Variants in SLC38A4 observed in about 807,000 individuals in gnomAD.
The protein encoded by SLC38A4 is solute carrier family 38 member 4, also known as sodium-coupled neutral amino acid transporter 4.
SLC38A4 carries 20 observed loss-of-function variants against 63.1 expected under a neutral mutation model. The ratio of observed to expected loss-of-function variants is 0.32; its 90% CI spans 0.22 to 0.46. SLC38A4 has a LOEUF of 0.46. SLC38A4 is among the 20% of genes least tolerant of loss of function. The pLI, the probability that SLC38A4 is intolerant of heterozygous loss-of-function variation, is 1.00. For synonymous variants in SLC38A4, 230 were observed against 225.5 expected (o/e 1.02, Z -0.18); for missense variants, 526 against 663.6 (o/e 0.79, Z 2.28).
chr12:46,781,465 G>C (rs1938637317), intron 7 of SLC38A4, among the ~76,000 whole-genome samples: 1 of 152,012 alleles, frequency 6.6e-6, no homozygotes, highest in Non-Finnish European at 1.5e-5. Flanking sequence ...TGTCAGTGAT[G>C]TTAACATGTT....
intron 1 of SLC38A4, among the ~76,000 whole-genome samples, chr12:46,804,801 A>G (rs1217834905): frequency 6.6e-6 from 1 of 151,920 alleles, no homozygotes; most frequent in African/African-American, 2.4e-5. Flanking sequence ...TTTGTCTTTT[A>G]TCAGACGAGA....
At chr12:46,786,853 A>G (rs2120810558) in intron 5 of SLC38A4, among the ~76,000 whole-genome samples, 1 of 152,330 alleles carries the variant, frequency 6.6e-6, no homozygotes, top group Middle Eastern at 3.4e-3. Context: ...GATATTCAGA[A>G]CATAAACAGC....
At chr12:46,768,973 C>T (rs773384130) in intron 15 of SLC38A4, among the ~76,000 whole-genome samples, 1 of 152,038 alleles carries the variant, frequency 6.6e-6, no homozygotes, top group African/African-American at 2.4e-5. Context: ...TCCTCTTTTC[C>T]TGATGGTGGA....
upstream of SLC38A4, among the ~76,000 whole-genome samples, chr12:46,830,807 C>T (rs1164169258): frequency 6.6e-6 from 1 of 152,198 alleles, no homozygotes; most frequent in Admixed American, 6.5e-5. Flanking sequence ...AAGACCTCGG[C>T]ATTTAATATC....
At chr12:46,798,803 T>C (rs1939071135) in intron 2 of SLC38A4, among the ~76,000 whole-genome samples, 1 of 152,148 alleles carries the variant, frequency 6.6e-6, no homozygotes, top group South Asian at 2.1e-4. Context: ...CAATTTTTTT[T>C]CTTATTCCCA....
upstream of SLC38A4, among the ~76,000 whole-genome samples, chr12:46,826,185 C>G (rs986639919): frequency 6.6e-6 from 1 of 152,188 alleles, no homozygotes; most frequent in South Asian, 2.1e-4. Flanking sequence ...CGAGTGTACC[C>G]AGTGTTATTA....
In SLC38A4 at chr12:46,779,625, A is replaced by T; in HGVS notation, c.703T>A (p.Phe235Ile). Reference sequence around the variant, plus strand: ...ACATCACTTACCACACTAACAAAAAACACCATGCAGGTAAGAGAAAATCCA... The same window carrying T: ...ACATCACTTACCACACTAACAAAAATCACCATGCAGGTAAGAGAAAATCCA... ...TSGFSLTCMV[F>I]FVSVVIYKKF... Residue 235 changes from phenylalanine to isoleucine, a missense_variant, in exon 10 of 17, where the codon TTT becomes ATT. Phe to Ile is a conservative substitution (Grantham distance 21). Coordinates refer to ENST00000266579, the MANE Select transcript of SLC38A4 (RefSeq NM_018018.5). 1.9e-6 allele frequency: 3 copies of T among 1,604,000 alleles called. No individual in the cohort carries two copies. Among genetic ancestry groups the T allele is most frequent in the Non-Finnish European group, 2.5e-6 (3 of 1,177,030 alleles).
At chr12:46,784,700 A>G (rs1938722163) in intron 6 of SLC38A4, 66 bp from the exon 7 acceptor site, 1 of 1,273,378 alleles carries the variant, frequency 7.9e-7, no homozygotes, top group Non-Finnish European at 1.1e-6. Flanking sequence ...TTTTTGTCAT[A>G]TAATTCCATG....
intron 14 of SLC38A4, among the ~76,000 whole-genome samples, chr12:46,771,384 C>T (rs1205970629): frequency 6.6e-6 from 1 of 151,980 alleles, no homozygotes; most frequent in African/African-American, 2.4e-5. Context: ...GTTTTTTAGT[C>T]ACTTGTTAAA....
At chr12:46,830,465 T>A (rs1424701411), upstream of SLC38A4, among the ~76,000 whole-genome samples, 3 of 152,130 alleles carry the variant, frequency 2.0e-5, no homozygotes, top group Non-Finnish European at 4.4e-5. Context: ...GAAATTGAGA[T>A]CTATGTGTAG....
chr12:46,825,439 TA>T (rs1939629222), intron 1 of SLC38A4, among the ~76,000 whole-genome samples: 1 of 152,166 alleles, frequency 6.6e-6, no homozygotes, highest in South Asian at 2.1e-4. Context: ...AAAGAATTAC[TA>T]AAGTATTGCT....
intron 14 of SLC38A4, among the ~76,000 whole-genome samples, chr12:46,770,159 G>C (rs555156916): frequency 6.6e-6 from 1 of 151,910 alleles, no homozygotes; most frequent in Non-Finnish European, 1.5e-5. Flanking sequence ...TAAAACCCTT[G>C]TTGATCACAA....
Position 46,768,495 on chromosome 12 carries a change from A to G in SLC38A4, c.1445-88T>C. ...CCAGCACACACTTTAAATAAACCAA[A>G]TATAAAGCTATCCTATACTTAGCAC... On this transcript the variant is annotated intron_variant, in intron 15 of 16. Coordinates refer to ENST00000266579, the MANE Select transcript of SLC38A4 (RefSeq NM_018018.5). 9.6e-6 allele frequency: 8 copies of G among 835,132 alleles called. No individual in the cohort carries two copies. The South Asian group carries it at 1.4e-4, about 14-fold the overall frequency. 51.7% of individuals were successfully genotyped at this position (835,132 alleles called of 1,614,324 possible). A position where few individuals can be genotyped will look rare whatever the true frequency, so the allele number is the denominator to read the frequency against.
At chr12:46,807,642 G>GA (rs758516642) in intron 1 of SLC38A4, among the ~76,000 whole-genome samples, 1 of 151,786 alleles carries the variant, frequency 6.6e-6, no homozygotes, top group Non-Finnish European at 1.5e-5. Flanking sequence ...TGCAAAAAAA[G>GA]AAAAATAGAG....
chr12:46,766,429 A>G lies in SLC38A4; in HGVS notation c.*272T>C. On this transcript the variant is annotated 3_prime_UTR_variant, in exon 17 of 17. Coordinates refer to ENST00000266579, the MANE Select transcript of SLC38A4 (RefSeq NM_018018.5). Reference sequence around the variant, plus strand: ...GTTACCCTTATTCTGCTCGTAAAGCAGCAAAAATACACCTTCATCATCTCA... The same window carrying G: ...GTTACCCTTATTCTGCTCGTAAAGCGGCAAAAATACACCTTCATCATCTCA... The G allele has an allele frequency of 1.8e-6, 1 of 554,832 alleles. No individual in the cohort carries two copies. Among genetic ancestry groups the G allele is most frequent in the Non-Finnish European group, 3.4e-6 (1 of 291,362 alleles). The allele number at this position is 554,832 out of a possible 1,614,324, so 34.4% of individuals were successfully genotyped here.
rs1027818731 is a variant in SLC38A4 at position 46,801,316 on chromosome 12, G to T, written c.-113+2287C>A. On this transcript the variant is annotated intron_variant, in intron 2 of 16. Transcript: ENST00000266579. ...GTACCTAAGAAGTTCAGGGTGTAAGGGTGTCAAAACAGTAAATTTCTTAAA... is the reference window on the plus strand; with the variant it reads ...GTACCTAAGAAGTTCAGGGTGTAAGTGTGTCAAAACAGTAAATTTCTTAAA... Among the ~76,000 whole-genome samples the T allele has an allele frequency of 3.3e-5, 5 of 152,052 alleles. No individual in the cohort carries two copies. The South Asian group carries it at 8.3e-4, about 25-fold the overall frequency.
intron 7 of SLC38A4, among the ~76,000 whole-genome samples, chr12:46,782,367 G>A (rs1938661752): frequency 6.6e-6 from 1 of 151,828 alleles, no homozygotes. Flanking sequence ...TTTGTGTAAT[G>A]GAAACCTCAA....
intron 16 of SLC38A4, among the ~76,000 whole-genome samples, chr12:46,767,414 T>G (rs1461357188): frequency 4.6e-5 from 7 of 152,078 alleles, no homozygotes; most frequent in Admixed American, 4.6e-4. Context: ...CATTTTTCAC[T>G]AGAATGGGTC....
chr12:46,826,754 T>G (rs1037266718), upstream of SLC38A4, among the ~76,000 whole-genome samples: 1 of 152,216 alleles, frequency 6.6e-6, no homozygotes, highest in African/African-American at 2.4e-5. Flanking sequence ...TTAGGATTCA[T>G]ATCCACATTA....
Sources: gnomAD v4.1 joint callset for allele counts (sites outside exome capture counted in the v4.1 genomes callset) on GRCh38, gnomAD v4.1.1 for gene constraint, MANE v1.5 for transcripts, NCBI Gene and HGNC (gene_info 2026-07-23, HGNC 2026-07-21) for gene names.